The following ZRANB3 variants were observed in gnomAD, a reference collection of about 807,000 sequenced individuals.
The protein encoded by ZRANB3 is DNA annealing helicase and endonuclease ZRANB3.
Under a neutral mutation model 133.8 loss-of-function variants are expected in ZRANB3, and 125 were observed. The observed-to-expected ratio is 0.93, with a 90% CI of 0.81 to 1.08. The LOEUF (loss-of-function observed/expected upper bound fraction) is 1.08. ZRANB3 is among the 50% of genes least tolerant of loss of function. The pLI, the probability that ZRANB3 is intolerant of heterozygous loss-of-function variation, is 0.00. For synonymous variants in ZRANB3, 387 were observed against 432.7 expected (o/e 0.89, Z 1.31); for missense variants, 1,229 against 1,275.5 (o/e 0.96, Z 0.56).
intron 6 of ZRANB3, among the ~76,000 whole-genome samples, chr2:135,318,560 G>A (rs1040233299): frequency 1.3e-5 from 2 of 152,140 alleles, no homozygotes; most frequent in Non-Finnish European, 2.9e-5. Context: ...TAGTATGTGT[G>A]TAGATGTGTG....
At chr2:135,360,620 G>A (rs983692257) in intron 3 of ZRANB3, among the ~76,000 whole-genome samples, 5 of 152,142 alleles carry the variant, frequency 3.3e-5, no homozygotes, top group African/African-American at 1.2e-4. Context: ...CAGGAGAATG[G>A]CGTGAACCCG....
At chr2:135,525,585 C>T (rs1175677747) in intron 1 of ZRANB3, among the ~76,000 whole-genome samples, 1 of 152,208 alleles carries the variant, frequency 6.6e-6, no homozygotes, top group South Asian at 2.1e-4. Flanking sequence ...CAATGGCTCA[C>T]GCCTGTAATC....
intron 1 of ZRANB3, among the ~76,000 whole-genome samples, chr2:135,521,401 G>A (rs980335909): frequency 6.6e-6 from 1 of 152,198 alleles, no homozygotes; most frequent in Non-Finnish European, 1.5e-5. Context: ...ACAAAAATTA[G>A]CCGGGCATGG....
intron 8 of ZRANB3, among the ~76,000 whole-genome samples, chr2:135,287,221 T>C (rs1652526074): frequency 6.6e-6 from 1 of 152,224 alleles, no homozygotes; most frequent in African/African-American, 2.4e-5. Flanking sequence ...TGAAGATCAG[T>C]TGGCTGTAAA....
chr2:135,325,894 G>A (rs561110436), intron 6 of ZRANB3, among the ~76,000 whole-genome samples: 11 of 152,220 alleles, frequency 7.2e-5, no homozygotes, highest in African/African-American at 2.4e-5. Flanking sequence ...ATCTAAATAC[G>A]AACATGGAAA....
chr2:135,375,692 A>C (rs935349858), intron 3 of ZRANB3, among the ~76,000 whole-genome samples: 17 of 151,882 alleles, frequency 1.1e-4, no homozygotes, highest in African/African-American at 3.4e-4. Flanking sequence ...CTCAAAAAAA[A>C]AAAAACCCAC....
chr2:135,437,798 G>A (rs1039191126), intron 2 of ZRANB3, among the ~76,000 whole-genome samples: 4 of 152,056 alleles, frequency 2.6e-5, no homozygotes, highest in African/African-American at 4.8e-5. Flanking sequence ...AACATGACTG[G>A]GCTAAAGGAT....
intron 3 of ZRANB3, among the ~76,000 whole-genome samples, chr2:135,362,591 A>G (rs1269538483): frequency 1.3e-5 from 2 of 152,248 alleles, no homozygotes; most frequent in African/African-American, 4.8e-5. Flanking sequence ...GGGACTAGAA[A>G]AAGAAAATCA....
At chr2:135,277,651 G>A (rs546645378) in intron 8 of ZRANB3, among the ~76,000 whole-genome samples, 1 of 152,270 alleles carries the variant, frequency 6.6e-6, no homozygotes, top group East Asian at 1.9e-4. Context: ...TAGGCCAGGT[G>A]CGGGGGCTCA....
chr2:135,222,528 G>T (rs750684777), intron 15 of ZRANB3, among the ~76,000 whole-genome samples: 20 of 152,098 alleles, frequency 1.3e-4, no homozygotes, highest in African/African-American at 4.8e-4. Flanking sequence ...CATACTAATA[G>T]TAAGATACTG....
chr2:135,323,655 G>A (rs537734927), intron 6 of ZRANB3, among the ~76,000 whole-genome samples: 1 of 152,038 alleles, frequency 6.6e-6, no homozygotes, highest in East Asian at 1.9e-4. Flanking sequence ...TGATCAATAA[G>A]GATTATAAAT....
intron 2 of ZRANB3, among the ~76,000 whole-genome samples, chr2:135,484,412 C>G (rs1420101567): frequency 1.3e-5 from 2 of 152,080 alleles, no homozygotes; most frequent in African/African-American, 4.8e-5. Context: ...TCTTGTTCAA[C>G]TGTATACTAT....
chr2:135,291,265 C>T (rs1475371231), intron 8 of ZRANB3, among the ~76,000 whole-genome samples: 1 of 152,100 alleles, frequency 6.6e-6, no homozygotes, highest in Non-Finnish European at 1.5e-5. Flanking sequence ...TCAAGGCAAC[C>T]TCTGCCTTCT....
intron 2 of ZRANB3, among the ~76,000 whole-genome samples, chr2:135,436,254 G>A (rs1405324881): frequency 1.3e-5 from 2 of 151,976 alleles, no homozygotes; most frequent in South Asian, 2.1e-4. Flanking sequence ...TTCCCCCATC[G>A]CTTGATTTTT....
chr2:135,382,414 AC>A (rs1387900061), intron 3 of ZRANB3, among the ~76,000 whole-genome samples: 1 of 152,202 alleles, frequency 6.6e-6, no homozygotes, highest in Non-Finnish European at 1.5e-5. Context: ...GTTGGAAAAC[AC>A]TCTGCAGGAT....
intron 2 of ZRANB3, among the ~76,000 whole-genome samples, chr2:135,399,664 T>C (rs1263014282): frequency 6.6e-6 from 1 of 152,214 alleles, no homozygotes; most frequent in Non-Finnish European, 1.5e-5. Flanking sequence ...TAAAAATATT[T>C]AGTATTGCTT....
chr2:135,373,035 G>C (rs1469069133), intron 3 of ZRANB3, among the ~76,000 whole-genome samples: 3 of 150,820 alleles, frequency 2.0e-5, no homozygotes, highest in Admixed American at 6.6e-5. Context: ...TCCAGCCTAG[G>C]CGACAAAAGC....
intron 6 of ZRANB3, among the ~76,000 whole-genome samples, chr2:135,323,848 A>G (rs1391128472): frequency 6.6e-6 from 1 of 151,720 alleles, no homozygotes; most frequent in Non-Finnish European, 1.5e-5. Context: ...GCTCACTGCA[A>G]CCTCTGCCTC....
chr2:135,296,610 C>T (rs1459641334), intron 8 of ZRANB3, among the ~76,000 whole-genome samples: 1 of 152,120 alleles, frequency 6.6e-6, no homozygotes, highest in Middle Eastern at 3.2e-3. Context: ...CAGCTTTGTT[C>T]TGTTGCTGGT....
Sources: gnomAD v4.1 joint callset for allele counts (sites outside exome capture counted in the v4.1 genomes callset) on GRCh38, gnomAD v4.1.1 for gene constraint, MANE v1.5 for transcripts, NCBI Gene and HGNC (gene_info 2026-07-23, HGNC 2026-07-21) for gene names.